CDH8: variants seen among roughly 807,000 people sequenced by gnomAD.
CDH8 encodes cadherin 8, also known as cadherin-8.
In CDH8, 17 loss-of-function variants were observed where a neutral mutation model predicts 68.1. The observed-to-expected ratio is 0.25, with a 90% CI of 0.17 to 0.37. The LOEUF (loss-of-function observed/expected upper bound fraction) is 0.37. CDH8 is among the 10% of genes least tolerant of loss of function. CDH8 has a pLI of 1.00. For missense variants in CDH8, 763 were observed against 999.3 expected (o/e 0.76, Z 3.19); for synonymous variants, 372 against 365.1 (o/e 1.02, Z -0.21).
chr16:61,795,638 T>G (rs893150632), intron 7 of CDH8, among the ~76,000 whole-genome samples: 3 of 152,054 alleles, frequency 2.0e-5, no homozygotes, highest in African/African-American at 7.2e-5. Context: ...CCAAATTGAC[T>G]GTGGAGATGA....
intron 8 of CDH8, among the ~76,000 whole-genome samples, chr16:61,756,017 C>T (rs1232500932): frequency 6.6e-6 from 1 of 151,986 alleles, no homozygotes; most frequent in Non-Finnish European, 1.5e-5. Context: ...GACAGGGTTT[C>T]GCCATGTTGA....
chr16:61,847,880 TACACACACACACACACACACACAGACAA>T (rs1244462521), intron 4 of CDH8, among the ~76,000 whole-genome samples: 2 of 147,934 alleles, frequency 1.4e-5, no homozygotes, highest in Non-Finnish European at 3.0e-5. Flanking sequence ...CCAACTATCC[TACACACACACACACACACACACAGACAA>T]ACACACACAC....
At chr16:61,947,878 A>AG (rs1964824783) in intron 2 of CDH8, among the ~76,000 whole-genome samples, 1 of 152,174 alleles carries the variant, frequency 6.6e-6, no homozygotes, top group Non-Finnish European at 1.5e-5. Flanking sequence ...AAATAACCCA[A>AG]GGGCATGCTC....
chr16:61,942,502 T>C (rs1463968166), intron 2 of CDH8, among the ~76,000 whole-genome samples: 2 of 151,952 alleles, frequency 1.3e-5, no homozygotes, highest in East Asian at 3.9e-4. Flanking sequence ...AGACTGCCTC[T>C]AAAACAAAAC....
intron 1 of CDH8, among the ~76,000 whole-genome samples, chr16:62,024,952 T>G (rs984125918): frequency 1.3e-5 from 2 of 152,204 alleles, no homozygotes; most frequent in Non-Finnish European, 2.9e-5. Flanking sequence ...GGGTCAGAAC[T>G]GCTCTCTTCA....
At chr16:61,944,597 CA>C in intron 2 of CDH8, among the ~76,000 whole-genome samples, 1 of 152,252 alleles carries the variant, frequency 6.6e-6, no homozygotes, top group African/African-American at 2.4e-5. Context: ...CATATTAAAT[CA>C]GTGTAAATCA....
intron 10 of CDH8, among the ~76,000 whole-genome samples, chr16:61,705,068 T>C (rs1409194669): frequency 6.6e-6 from 1 of 152,150 alleles, no homozygotes; most frequent in African/African-American, 2.4e-5. Flanking sequence ...GGCAATCTAC[T>C]AGAATGAAAG....
At chr16:61,811,023 CAAAA>C (rs34071898) in intron 7 of CDH8, among the ~76,000 whole-genome samples, 1 of 87,674 alleles carries the variant, frequency 1.1e-5, no homozygotes, top group Non-Finnish European at 2.4e-5. Flanking sequence ...GACTCTGTCT[CAAAA>C]AAAAAAAAAA....
intron 8 of CDH8, among the ~76,000 whole-genome samples, chr16:61,777,428 A>G (rs1330970365): frequency 6.6e-6 from 1 of 151,882 alleles, no homozygotes; most frequent in Non-Finnish European, 1.5e-5. Flanking sequence ...AGCTTTGGAG[A>G]GGGTGGTTTA....
Position 61,874,649 on chromosome 16 carries a change from T to A in CDH8, c.548-17411A>T, listed in dbSNP as rs1209128074. The stretch of plus-strand genomic sequence containing the variant: ...GAGATGTAATCCTAAGGTACAAGCA[T>A]CTGTATTCAGTAAATACTTTCAAAT... On this transcript the variant is annotated intron_variant, in intron 3 of 11. Transcript: ENST00000577390. 5.9e-5 allele frequency among the ~76,000 whole-genome samples: 9 copies of A among 152,202 alleles called. 1 individual carries two copies. Among genetic ancestry groups the A allele is most frequent in the Admixed American group, 3.9e-4 (6 of 15,276 alleles).
chr16:62,009,452 A>G (rs546601463), intron 2 of CDH8, among the ~76,000 whole-genome samples: 2 of 152,346 alleles, frequency 1.3e-5, no homozygotes, highest in South Asian at 4.1e-4. Flanking sequence ...TCAGTTTCCA[A>G]GAGTACAGGG....
intron 2 of CDH8, among the ~76,000 whole-genome samples, chr16:61,903,668 C>T (rs1253221739): frequency 6.6e-6 from 1 of 152,198 alleles, no homozygotes; most frequent in Non-Finnish European, 1.5e-5. Flanking sequence ...TCTCTAACTA[C>T]ATGAACTGAA....
At chr16:61,733,536 A>G (rs1375991318) in intron 8 of CDH8, among the ~76,000 whole-genome samples, 1 of 152,046 alleles carries the variant, frequency 6.6e-6, no homozygotes, top group African/African-American at 2.4e-5. Flanking sequence ...AAACTATCAA[A>G]TAAAGTAAAA....
At chr16:61,773,909 T>C (rs1369398049) in intron 8 of CDH8, among the ~76,000 whole-genome samples, 2 of 152,026 alleles carry the variant, frequency 1.3e-5, no homozygotes, top group African/African-American at 4.8e-5. Flanking sequence ...ACTGACACCC[T>C]GACAGCCCAA....
intron 2 of CDH8, among the ~76,000 whole-genome samples, chr16:62,010,030 C>A (rs1901769103): frequency 6.6e-6 from 1 of 152,094 alleles, no homozygotes; most frequent in Admixed American, 6.6e-5. Flanking sequence ...GCAGCCCTGC[C>A]CGGGCCCAGG....
At chr16:61,845,038 T>C (rs1567496974) in intron 4 of CDH8, among the ~76,000 whole-genome samples, 3 of 152,170 alleles carry the variant, frequency 2.0e-5, no homozygotes, top group South Asian at 4.1e-4. Context: ...ACTTCTTTCC[T>C]TGACCCCATT....
chr16:61,935,049 G>A (rs928560799), intron 2 of CDH8, among the ~76,000 whole-genome samples: 22 of 152,128 alleles, frequency 1.4e-4, no homozygotes, highest in African/African-American at 4.8e-4. Flanking sequence ...GCAAAGCCGT[G>A]GTGAATGAGG....
chr16:61,819,123 AAC>A (rs1962152377), intron 6 of CDH8, among the ~76,000 whole-genome samples: 1 of 152,060 alleles, frequency 6.6e-6, no homozygotes. Flanking sequence ...CGTTAAGTAT[AAC>A]AGATTATGTT....
chr16:61,749,229 G>A (rs946668987), intron 8 of CDH8, among the ~76,000 whole-genome samples: 1 of 152,008 alleles, frequency 6.6e-6, no homozygotes, highest in African/African-American at 2.4e-5. Flanking sequence ...AAGGCCGCCA[G>A]AGCTTTGAGC....
Sources: gnomAD v4.1 joint callset for allele counts (sites outside exome capture counted in the v4.1 genomes callset) on GRCh38, gnomAD v4.1.1 for gene constraint, MANE v1.5 for transcripts, NCBI Gene and HGNC (gene_info 2026-07-23, HGNC 2026-07-21) for gene names.